Variants in SGSH observed in about 807,000 individuals in gnomAD.
SGSH encodes the protein N-sulfoglucosamine sulfohydrolase.
In SGSH, 48 loss-of-function variants were observed where a neutral mutation model predicts 51.0. The ratio of observed to expected loss-of-function variants is 0.94; its 90% CI spans 0.75 to 1.20. The LOEUF (loss-of-function observed/expected upper bound fraction) is 1.20, where lower values mean the gene tolerates loss of function less well. Ranked by LOEUF, SGSH falls within the 50% of genes most tolerant of loss-of-function variation. SGSH has a pLI of 0.00. For missense variants in SGSH, 662 were observed against 717.8 expected (o/e 0.92, Z 0.89); for synonymous variants, 321 against 313.4 (o/e 1.02, Z -0.26).
At chr17:80,208,352 G>A (rs114706038), downstream of SGSH, 2,501 of 1,584,380 alleles carry the variant, frequency 1.6e-3, 32 homozygotes, top group African/African-American at 0.029. Context: ...ATGATGCACC[G>A]TGCCCCTTCC....
chr17:80,214,881 G>T, intron 3 of SGSH, 116 bp from the exon 4 acceptor site: 2 of 1,362,614 alleles, frequency 1.5e-6, no homozygotes, highest in Non-Finnish European at 2.1e-6. Context: ...ACACAGCCCA[G>T]CCAGGAGACC....
At chr17:80,211,226 T>G (rs2041651858) in intron 7 of SGSH, 1 of 1,383,102 alleles carries the variant, frequency 7.2e-7, no homozygotes, top group African/African-American at 1.5e-5. Context: ...TCGGTGACAT[T>G]TAGGATCCTT....
rs4889841 is a variant in SGSH, at chr17:80,220,032, T to C, written c.88+194A>G. The C allele has an allele frequency of 0.42, 211,014 of 496,580 alleles. 47,813 individuals are homozygous for C. Among genetic ancestry groups the C allele is most frequent in the African/African-American group, 0.69 (33,563 of 48,996 alleles). The allele number at this position is 496,580 out of a possible 1,614,324, so 30.8% of individuals were successfully genotyped here. A position where few individuals can be genotyped will look rare whatever the true frequency, so the allele number is the denominator to read the frequency against. On this transcript the variant is annotated intron_variant, in intron 1 of 7. Transcript: ENST00000326317. ...GATGCTGGGGCTCACTCCTCCAGCC[T>C]TTGCTGCCCTCTCTGGGGAGACACC...
rs544872567 is a variant in SGSH at position 80,209,299 on chromosome 17, T to C, written c.*1153A>G. 14 of 984,730 alleles carry C rather than the reference T, an allele frequency of 1.4e-5. No individual in the cohort carries two copies. The highest frequency in any genetic ancestry group is 5.2e-4 in the Middle Eastern group (1 of 1,914). The allele number at this position is 984,730 out of a possible 1,614,324, so 61.0% of individuals were successfully genotyped here. A position where few individuals can be genotyped will look rare whatever the true frequency, so the allele number is the denominator to read the frequency against. Reference sequence around the variant, plus strand: ...AATGAGTTCAGAAAAAGAACTTCTGTATATTTTACTAAAATAAAAAGCTTT... The same window carrying C: ...AATGAGTTCAGAAAAAGAACTTCTGCATATTTTACTAAAATAAAAAGCTTT... On this transcript the variant is annotated 3_prime_UTR_variant, in exon 8 of 8. Coordinates refer to ENST00000326317, the MANE Select transcript of SGSH (RefSeq NM_000199.5).
downstream of SGSH, among the ~76,000 whole-genome samples, chr17:80,207,902 G>A (rs2041428118): frequency 6.6e-6 from 1 of 152,048 alleles, no homozygotes; most frequent in African/African-American, 2.4e-5. Flanking sequence ...TGGTTTCCTG[G>A]GGACAGACCA....
At chr17:80,207,103 G>C (rs760719493), downstream of SGSH, 1 of 1,585,594 alleles carries the variant, frequency 6.3e-7, no homozygotes, top group South Asian at 1.1e-5. Flanking sequence ...CACGCTGGGG[G>C]CTGGGCAGGG....
At chr17:80,204,743 A>C, downstream of SGSH, 1 of 428,254 alleles carries the variant, frequency 2.3e-6, no homozygotes, top group East Asian at 3.6e-5. Context: ...GAAGGAAGAA[A>C]ACCCTGGCTT....
downstream of SGSH, chr17:80,206,903 C>T: frequency 2.0e-5 from 23 of 1,173,866 alleles, 1 homozygote; most frequent in South Asian, 2.2e-4. Flanking sequence ...CTGACCTGGG[C>T]GTTGGCTCCC....
chr17:80,216,976 C>T (rs906335571), intron 2 of SGSH, 56 bp downstream of exon 2: 58 of 1,480,578 alleles, frequency 3.9e-5, no homozygotes, highest in Non-Finnish European at 4.6e-5. Context: ...GCCTGGGCCC[C>T]GGACGCAGCC....
chr17:80,214,516 A>G, intron 4 of SGSH, 99 bp downstream of exon 4: 2 of 1,394,990 alleles, frequency 1.4e-6, no homozygotes, highest in South Asian at 2.5e-5. Context: ...CCCTGCCCCC[A>G]TTCGAGCCAC....
chr17:80,205,729 A>C, downstream of SGSH: 3 of 1,420,706 alleles, frequency 2.1e-6, no homozygotes, highest in Non-Finnish European at 1.9e-6. Context: ...GGATGAGATA[A>C]AGGTACAGGG....
Position 80,209,426 on chromosome 17 carries a change from T to TCGAGGGGTGTCCAGGC in SGSH, c.*1010_*1025dup, listed in dbSNP as rs879490165. On this transcript the variant is annotated 3_prime_UTR_variant, in exon 8 of 8. Coordinates refer to ENST00000326317, the MANE Select transcript of SGSH (RefSeq NM_000199.5). ...CCTACTCAAGGAAGCGCCCTCTCCT[T>TCGAGGGGTGTCCAGGC]CGAGGGGTGTCCAGGCCGAGGGGTG... 2 of 985,456 alleles carry TCGAGGGGTGTCCAGGC rather than the reference T, an allele frequency of 2.0e-6. No individual in the cohort carries two copies. Among genetic ancestry groups the TCGAGGGGTGTCCAGGC allele is most frequent in the Non-Finnish European group, 2.4e-6 (2 of 830,068 alleles). The allele number at this position is 985,456 out of a possible 1,614,324, so 61.0% of individuals were successfully genotyped here. A position where few individuals can be genotyped will look rare whatever the true frequency, so the allele number is the denominator to read the frequency against.
At position 80,209,877 on chromosome 17, in the gene SGSH, A is replaced by C; in HGVS notation, c.*575T>G. On this transcript the variant is annotated 3_prime_UTR_variant, in exon 8 of 8. Coordinates refer to ENST00000326317, the MANE Select transcript of SGSH (RefSeq NM_000199.5). Reference sequence around the variant, plus strand: ...CAGGGACTTGACCATGGGGCAAAACAGAAGAAGCAGAAACCTGCCCAAAGG... The same window carrying C: ...CAGGGACTTGACCATGGGGCAAAACCGAAGAAGCAGAAACCTGCCCAAAGG... The C allele has an allele frequency of 1.0e-6, 1 of 990,172 alleles. No individual in the cohort carries two copies. Among genetic ancestry groups the C allele is most frequent in the Non-Finnish European group, 1.2e-6 (1 of 832,694 alleles). 61.3% of individuals were successfully genotyped at this position (990,172 alleles called of 1,614,324 possible).
At position 80,210,118 on chromosome 17, in the gene SGSH, C is replaced by T; in HGVS notation, c.*334G>A. 1 of 1,205,396 alleles carries T rather than the reference C, an allele frequency of 8.3e-7. No homozygotes were observed. The highest frequency in any genetic ancestry group is 1.0e-6 in the Non-Finnish European group (1 of 962,636). 74.7% of individuals were successfully genotyped at this position (1,205,396 alleles called of 1,614,324 possible). A position where few individuals can be genotyped will look rare whatever the true frequency, so the allele number is the denominator to read the frequency against. ...AAACCAAGCCAGAAAACAAGACTCC[C>T]TTGTCATGGGCTGGGGGCGCTGCCC... On this transcript the variant is annotated 3_prime_UTR_variant, in exon 8 of 8. Coordinates refer to ENST00000326317, the MANE Select transcript of SGSH (RefSeq NM_000199.5).
chr17:80,214,111 A>C, intron 5 of SGSH, 61 bp downstream of exon 5: 4 of 1,555,328 alleles, frequency 2.6e-6, no homozygotes, highest in Non-Finnish European at 3.5e-6. Flanking sequence ...AGCTCGTAGG[A>C]GGCCAGGGTC....
chr17:80,204,658 G>T, downstream of SGSH: 1 of 388,322 alleles, frequency 2.6e-6, no homozygotes, highest in South Asian at 5.1e-5. Context: ...GAGGAGTACA[G>T]GACAGAGGGA....
Position 80,220,287 on chromosome 17 carries a change from G to T in SGSH, c.27C>A (p.Cys9Ter). The T allele has an allele frequency of 6.6e-7, 1 of 1,518,890 alleles. No individual in the cohort carries two copies. Among genetic ancestry groups the T allele is most frequent in the Non-Finnish European group, 8.8e-7 (1 of 1,140,182 alleles). The allele number at this position is 1,518,890 out of a possible 1,614,324, so 94.1% of individuals were successfully genotyped here. MSCPVPAC[C>*]ALLLVLGLCR... is the part of the protein sequence containing the mutation. ...AGAGCCCCAGGACTAGCAGCAGCGC[G>T]CAGCAGGCGGGCACGGGGCAGCTCA... is the stretch of plus-strand genomic sequence containing the variant. The change falls in exon 1 of 8, where the codon TGC becomes TGA. Residue 9 changes from cysteine (C) to a stop codon, truncating the protein, a stop_gained. Coordinates refer to ENST00000326317, the MANE Select transcript of SGSH (RefSeq NM_000199.5). LOFTEE classifies it high-confidence loss of function.
At chr17:80,211,055 A>G in intron 7 of SGSH, 44 bp from the exon 8 acceptor site, 2 of 1,596,714 alleles carry the variant, frequency 1.3e-6, no homozygotes, top group Non-Finnish European at 1.7e-6. Flanking sequence ...CCCTCAGCAC[A>G]CAGGAGCTGC....
chr17:80,201,763 AGCCCTTGTTCAAG>A, downstream of SGSH: 2 of 1,614,020 alleles, frequency 1.2e-6, no homozygotes, highest in Non-Finnish European at 1.7e-6. The surrounding 1 kb of genome is among the most constrained non-coding windows in gnomAD (Gnocchi z 5.0). Flanking sequence ...GAAGCCTCAG[AGCCCTTGTTCAAG>A]GCAGTCCTGG....
Sources: gnomAD v4.1 joint callset for allele counts (sites outside exome capture counted in the v4.1 genomes callset) on GRCh38, gnomAD v4.1.1 for gene constraint, Gnocchi (gnomAD v3.1) non-coding constraint, MANE v1.5 for transcripts, NCBI Gene and HGNC (gene_info 2026-07-23, HGNC 2026-07-21) for gene names.